The following ARGLU1 variants were observed in gnomAD, a reference collection of about 807,000 sequenced individuals.
The protein encoded by ARGLU1 is arginine and glutamate-rich protein 1.
Under a neutral mutation model 37.6 loss-of-function variants are expected in ARGLU1, and 9 were observed. That is an observed-to-expected ratio of 0.24 (90% CI 0.14 to 0.42). The LOEUF is 0.42. Among genes scored for constraint, ARGLU1 ranks in the 10% least tolerant of loss-of-function variants. The pLI is 1.00. For missense variants in ARGLU1, 211 were observed against 359.2 expected (o/e 0.59, Z 3.34); for synonymous variants, 166 against 138.5 (o/e 1.20, Z -1.39).
At chr13:106,546,272 C>T (rs1422435469) in intron 3 of ARGLU1, among the ~76,000 whole-genome samples, 2 of 152,306 alleles carry the variant, frequency 1.3e-5, no homozygotes, top group Non-Finnish European at 2.9e-5. Flanking sequence ...TTCTTGTTCT[C>T]AAATTGCCAA....
chr13:106,563,795 G>GT (rs1460999939), intron 1 of ARGLU1, among the ~76,000 whole-genome samples: 2 of 152,094 alleles, frequency 1.3e-5, no homozygotes, highest in Non-Finnish European at 2.9e-5. Flanking sequence ...AACTGCCCAA[G>GT]TATTCTAAGA....
chr13:106,544,589 T>C (rs1880345025), intron 3 of ARGLU1, among the ~76,000 whole-genome samples: 1 of 152,202 alleles, frequency 6.6e-6, no homozygotes, highest in African/African-American at 2.4e-5. Flanking sequence ...TTTTTATCTC[T>C]AACTTCATTG....
chr13:106,549,600 TCA>T (rs572717331), intron 3 of ARGLU1, among the ~76,000 whole-genome samples: 6 of 152,220 alleles, frequency 3.9e-5, no homozygotes, highest in Non-Finnish European at 7.3e-5. Flanking sequence ...ATATTTATTC[TCA>T]CAGTTACCTC....
chr13:106,545,176 C>T (rs1427950399), intron 3 of ARGLU1, among the ~76,000 whole-genome samples: 1 of 152,152 alleles, frequency 6.6e-6, no homozygotes, highest in Non-Finnish European at 1.5e-5. Flanking sequence ...TGGGACAATG[C>T]TACACATCCT....
intron 3 of ARGLU1, 75 bp from the exon 4 acceptor site, chr13:106,544,235 T>C (rs1594186509): frequency 4.5e-6 from 6 of 1,334,922 alleles, no homozygotes; most frequent in Admixed American, 2.8e-5. Flanking sequence ...ACAGGTGTTA[T>C]CTATTATGTA....
chr13:106,553,250 A>C (rs1880579666), intron 3 of ARGLU1, among the ~76,000 whole-genome samples: 1 of 152,212 alleles, frequency 6.6e-6, no homozygotes, highest in South Asian at 2.1e-4. Context: ...TATGTTTCTC[A>C]AAATAAAAGG....
At chr13:106,554,208 T>C (rs1880602408) in intron 3 of ARGLU1, among the ~76,000 whole-genome samples, 1 of 152,226 alleles carries the variant, frequency 6.6e-6, no homozygotes, top group South Asian at 2.1e-4. Flanking sequence ...CAAAATATGT[T>C]AAATTATTTT....
At chr13:106,559,741 GCCAT>G in intron 1 of ARGLU1, 84 bp from the exon 2 acceptor site, 14 of 1,385,072 alleles carry the variant, frequency 1.0e-5, no homozygotes, top group African/African-American at 1.5e-5. Flanking sequence ...AGTCTATCAA[GCCAT>G]TGAGCCTGAT....
chr13:106,558,669 T>C, intron 2 of ARGLU1: 1 of 985,432 alleles, frequency 1.0e-6, no homozygotes, highest in Non-Finnish European at 1.2e-6. Context: ...CAGAAAGACA[T>C]TTTCAACTTC....
Position 106,559,212 on chromosome 13 carries a change from G to T in ARGLU1, c.573+220C>A, listed in dbSNP as rs140385475. On this transcript the variant is annotated intron_variant, in intron 2 of 3. Transcript: ENST00000400198. ...ATAGCCAGTTCCATTAAATCAAAAA[G>T]TATCCTTGAATATGTTTTATAAAAG... The T allele has an allele frequency of 7.3e-6, 11 of 1,505,790 alleles. No homozygotes were observed. The African/African-American group carries it at 8.3e-5, about 11-fold the overall frequency. 93.3% of individuals were successfully genotyped at this position (1,505,790 alleles called of 1,614,324 possible). A position where few individuals can be genotyped will look rare whatever the true frequency, so the allele number is the denominator to read the frequency against.
At chr13:106,545,095 T>G (rs374764268) in intron 3 of ARGLU1, among the ~76,000 whole-genome samples, 1 of 152,156 alleles carries the variant, frequency 6.6e-6, no homozygotes, top group African/African-American at 2.4e-5. Flanking sequence ...AAGGGGACAT[T>G]AGGCAATGCA....
Position 106,557,212 on chromosome 13 carries a change from A to C in ARGLU1, c.574-81T>G. ...TAAATATTTACTAATCTTCCTCTGAACTTTTTTGATATGACTTACAGGGTA... is the reference window on the plus strand; with the variant it reads ...TAAATATTTACTAATCTTCCTCTGACCTTTTTTGATATGACTTACAGGGTA... On this transcript the variant is annotated intron_variant, in intron 2 of 3. Coordinates refer to ENST00000400198, the MANE Select transcript of ARGLU1 (RefSeq NM_018011.4). This position sits in a 1 kb window ranked among gnomAD's most constrained non-coding sequence, Gnocchi z 5.0. 7.9e-7 allele frequency: 1 copy of C among 1,260,696 alleles called. No homozygotes were observed. Among genetic ancestry groups the C allele is most frequent in the Non-Finnish European group, 1.1e-6 (1 of 881,144 alleles). 78.1% of individuals were successfully genotyped at this position (1,260,696 alleles called of 1,614,324 possible).
At chr13:106,566,698 T>G (rs1880972484) in intron 1 of ARGLU1, among the ~76,000 whole-genome samples, 2 of 151,920 alleles carry the variant, frequency 1.3e-5, no homozygotes, top group African/African-American at 4.9e-5. Flanking sequence ...GCTGACATTT[T>G]CGGAAACACA....
At chr13:106,545,970 T>G (rs768615101) in intron 3 of ARGLU1, among the ~76,000 whole-genome samples, 11 of 152,208 alleles carry the variant, frequency 7.2e-5, no homozygotes, top group Non-Finnish European at 1.5e-4. Flanking sequence ...ATTCAACATG[T>G]TTCAAGATTT....
At chr13:106,562,573 T>G (rs1406507306) in intron 1 of ARGLU1, among the ~76,000 whole-genome samples, 6 of 152,318 alleles carry the variant, frequency 3.9e-5, no homozygotes, top group Non-Finnish European at 7.3e-5. Context: ...GCTCCTCTGC[T>G]GAATATCCAT....
In ARGLU1 at chr13:106,543,888, G is replaced by T. The variant is rs1880325745; in HGVS notation, c.*108C>A. 1.8e-6 allele frequency: 2 copies of T among 1,112,752 alleles called. No individual in the cohort carries two copies. The highest frequency in any genetic ancestry group is 2.5e-6 in the Non-Finnish European group (2 of 806,040). The allele number at this position is 1,112,752 out of a possible 1,614,324, so 68.9% of individuals were successfully genotyped here. A position where few individuals can be genotyped will look rare whatever the true frequency, so the allele number is the denominator to read the frequency against. ...CCTATTAGAACAAGCTAACTTTCCAGATTTTACAAATTAAAAAAACAAAAA... is the reference window on the plus strand; with the variant it reads ...CCTATTAGAACAAGCTAACTTTCCATATTTTACAAATTAAAAAAACAAAAA... On this transcript the variant is annotated 3_prime_UTR_variant, in exon 4 of 4. Transcript: ENST00000400198.
chr13:106,559,447 T>C lies in ARGLU1; in HGVS notation c.558A>G (p.Ala186=). ...LERQRQAELA[A]QKAREEEERA... is the part of the protein sequence containing the mutation. ...CGAGCGTTACCTCTCTAGCTTTTTG[T>C]GCGGCAAGCTCAGCTTGTCTCTGTC... The change falls in exon 2 of 4, where the codon GCA becomes GCG. Residue 186 remains alanine, a synonymous_variant. Transcript: ENST00000400198. The C allele has an allele frequency of 6.2e-7, 1 of 1,614,210 alleles. No individual in the cohort carries two copies. The highest frequency in any genetic ancestry group is 8.5e-7 in the Non-Finnish European group (1 of 1,180,038).
chr13:106,566,742 G>C (rs1490232878), intron 1 of ARGLU1, among the ~76,000 whole-genome samples: 2 of 152,136 alleles, frequency 1.3e-5, no homozygotes, highest in African/African-American at 4.8e-5. Flanking sequence ...TATCCTTCAT[G>C]GGAGCAACGC....
chr13:106,543,646 T>C lies in ARGLU1; in HGVS notation c.*350A>G, dbSNP rs1880316928. On this transcript the variant is annotated 3_prime_UTR_variant, in exon 4 of 4. Coordinates refer to ENST00000400198, the MANE Select transcript of ARGLU1 (RefSeq NM_018011.4). ...AGTCAGCAAAACCAGCATTATGATGTAGCAAACAGAGTATAACTCTGAAGT... is the reference window on the plus strand; with the variant it reads ...AGTCAGCAAAACCAGCATTATGATGCAGCAAACAGAGTATAACTCTGAAGT... The C allele has an allele frequency of 1.2e-5, 2 of 162,536 alleles. No individual in the cohort carries two copies. Among genetic ancestry groups the C allele is most frequent in the African/African-American group, 2.4e-5 (1 of 41,904 alleles). The allele number at this position is 162,536 out of a possible 1,614,324, so 10.1% of individuals were successfully genotyped here. A position where few individuals can be genotyped will look rare whatever the true frequency, so the allele number is the denominator to read the frequency against.
Sources: gnomAD v4.1 joint callset for allele counts (sites outside exome capture counted in the v4.1 genomes callset) on GRCh38, gnomAD v4.1.1 for gene constraint, Gnocchi (gnomAD v3.1) non-coding constraint, MANE v1.5 for transcripts, NCBI Gene and HGNC (gene_info 2026-07-23, HGNC 2026-07-21) for gene names.